ADAMTS6: variants seen among roughly 807,000 people sequenced by gnomAD.
ADAMTS6 encodes the protein ADAM metallopeptidase with thrombospondin type 1 motif 6, also known as A disintegrin and metalloproteinase with thrombospondin motifs 6.
ADAMTS6 carries 23 observed loss-of-function variants against 144.3 expected under a neutral mutation model. That is an observed-to-expected ratio of 0.16 (90% confidence interval 0.11 to 0.23). The LOEUF (loss-of-function observed/expected upper bound fraction) is 0.23, where lower values mean the gene tolerates loss of function less well. Ranked by LOEUF, ADAMTS6 falls within the 10% of genes least tolerant of loss-of-function variation. The pLI is 1.00. For missense variants in ADAMTS6, 999 were observed against 1,379.6 expected (o/e 0.72, Z 4.37); for synonymous variants, 444 against 457.5 (o/e 0.97, Z 0.38).
chr5:65,346,069 G>T (rs967885921), intron 7 of ADAMTS6, among the ~76,000 whole-genome samples: 3 of 151,790 alleles, frequency 2.0e-5, no homozygotes, highest in Non-Finnish European at 4.4e-5. Flanking sequence ...ATCTAAAAAA[G>T]AATTTATACC....
intron 7 of ADAMTS6, among the ~76,000 whole-genome samples, chr5:65,372,206 CA>C (rs1751014323): frequency 7.1e-6 from 1 of 140,368 alleles, no homozygotes; most frequent in Non-Finnish European, 1.5e-5. Context: ...AACTACCGAG[CA>C]AAATAACCAG....
intron 20 of ADAMTS6, among the ~76,000 whole-genome samples, chr5:65,203,053 A>G (rs1004358854): frequency 6.6e-6 from 1 of 152,110 alleles, no homozygotes; most frequent in East Asian, 1.9e-4. Context: ...CTACAGAGTA[A>G]GTCTAGAAAA....
chr5:65,428,390 A>T (rs1051017207), intron 7 of ADAMTS6, among the ~76,000 whole-genome samples: 7 of 152,188 alleles, frequency 4.6e-5, no homozygotes, highest in Non-Finnish European at 1.0e-4. Context: ...CCAACAAAAA[A>T]GGTTCACTAA....
intron 14 of ADAMTS6, among the ~76,000 whole-genome samples, chr5:65,255,413 C>A (rs772822161): frequency 9.9e-5 from 15 of 152,130 alleles, no homozygotes; most frequent in Non-Finnish European, 2.1e-4. Context: ...CCCTTCCACC[C>A]TTTCCCCCAA....
At chr5:65,287,355 G>A (rs193135148) in intron 11 of ADAMTS6, among the ~76,000 whole-genome samples, 141 of 152,210 alleles carry the variant, frequency 9.3e-4, no homozygotes, top group African/African-American at 3.3e-3. Context: ...CAAGTGTCTT[G>A]TAAAACAAAA....
rs1759257977 is a variant in ADAMTS6 at position 65,242,290 on chromosome 5, A to G, written c.1831-84T>C. On this transcript the variant is annotated intron_variant, in intron 14 of 24. Transcript: ENST00000381055. ...CAATGTCCCTAAAATGAACTCCATC[A>G]AATTAACTCACTACCTTATTCTGTG... The G allele has an allele frequency of 4.4e-6, 4 of 915,566 alleles. No homozygotes were observed. The South Asian group carries it at 5.6e-5, about 13-fold the overall frequency. 56.7% of individuals were successfully genotyped at this position (915,566 alleles called of 1,614,324 possible).
At position 65,473,826 on chromosome 5, in the gene ADAMTS6, C is replaced by T. The variant is rs926233958; in HGVS notation, c.-153G>A. The T allele has an allele frequency of 7.1e-6, 4 of 565,568 alleles. No homozygotes were observed. Among genetic ancestry groups the T allele is most frequent in the Non-Finnish European group, 9.6e-6 (3 of 313,002 alleles). 35.0% of individuals were successfully genotyped at this position (565,568 alleles called of 1,614,324 possible). ...CTGTTTAAGAGCCACTTTTATCCAACATCCTGCACTTTCTTCTATATCTGG... is the reference window on the plus strand; with the variant it reads ...CTGTTTAAGAGCCACTTTTATCCAATATCCTGCACTTTCTTCTATATCTGG... On this transcript the variant is annotated 5_prime_UTR_variant, in exon 2 of 25. It removes an upstream start codon present in the reference 5' UTR. Coordinates refer to ENST00000381055, the MANE Select transcript of ADAMTS6 (RefSeq NM_197941.4).
chr5:65,203,983 C>T (rs1367120328), intron 20 of ADAMTS6, among the ~76,000 whole-genome samples: 5 of 152,098 alleles, frequency 3.3e-5, no homozygotes, highest in Admixed American at 1.3e-4. Flanking sequence ...AAACCCTGCT[C>T]GTGTTAGGGA....
At chr5:65,199,914 AT>A (rs1755625847) in intron 20 of ADAMTS6, among the ~76,000 whole-genome samples, 1 of 152,150 alleles carries the variant, frequency 6.6e-6, no homozygotes, top group Non-Finnish European at 1.5e-5. Context: ...TTAGGTGTTC[AT>A]TTTAGCTTCA....
intron 7 of ADAMTS6, among the ~76,000 whole-genome samples, chr5:65,368,840 A>G (rs894245164): frequency 1.4e-4 from 21 of 152,092 alleles, no homozygotes; most frequent in African/African-American, 4.8e-4. Flanking sequence ...GTATTACTTG[A>G]GGTGAGGAAT....
intron 7 of ADAMTS6, among the ~76,000 whole-genome samples, chr5:65,403,238 CTT>C (rs1456000442): frequency 7.2e-5 from 11 of 152,082 alleles, no homozygotes; most frequent in African/African-American, 2.4e-5. Context: ...GATTTTCCCT[CTT>C]CTCTCTAATC....
intron 3 of ADAMTS6, among the ~76,000 whole-genome samples, chr5:65,470,199 C>T (rs1760327244): frequency 6.6e-6 from 1 of 152,134 alleles, no homozygotes; most frequent in African/African-American, 2.4e-5. Flanking sequence ...ACTGGGATTA[C>T]AGACATGAGC....
At chr5:65,241,946 A>C (rs1759226678) in intron 15 of ADAMTS6, among the ~76,000 whole-genome samples, 158 bp downstream of exon 15, 1 of 152,212 alleles carries the variant, frequency 6.6e-6, no homozygotes, top group African/African-American at 2.4e-5. Flanking sequence ...TAAACCATGA[A>C]GCCTTTATAG....
At chr5:65,210,798 C>A in intron 20 of ADAMTS6, 2 of 563,632 alleles carry the variant, frequency 3.5e-6, no homozygotes, top group African/African-American at 1.9e-5. Context: ...TCTCTCAACA[C>A]ATAAAGAACA....
At chr5:65,256,985 CTTTTTTTTT>C (rs545846781) in intron 14 of ADAMTS6, among the ~76,000 whole-genome samples, 3 of 88,672 alleles carry the variant, frequency 3.4e-5, no homozygotes, top group African/African-American at 5.7e-5. Flanking sequence ...CTCTCTCTCT[CTTTTTTTTT>C]TTTTTTTTTT....
At chr5:65,334,199 G>T in intron 7 of ADAMTS6, 114 bp from the exon 8 acceptor site, 2 of 1,180,668 alleles carry the variant, frequency 1.7e-6, no homozygotes, top group Non-Finnish European at 2.3e-6. Flanking sequence ...GCAATTATGA[G>T]CAATCAACTG....
chr5:65,220,251 CA>C (rs1757225100), intron 18 of ADAMTS6, among the ~76,000 whole-genome samples: 1 of 151,680 alleles, frequency 6.6e-6, no homozygotes, highest in Non-Finnish European at 1.5e-5. Flanking sequence ...TCATGAGTCA[CA>C]AGATAAATAA....
At chr5:65,154,600 GT>G (rs2111955713) in intron 24 of ADAMTS6, among the ~76,000 whole-genome samples, 1 of 152,316 alleles carries the variant, frequency 6.6e-6, no homozygotes, top group South Asian at 2.1e-4. Context: ...TCTTCTAGGA[GT>G]TGATTGTCCT....
intron 7 of ADAMTS6, among the ~76,000 whole-genome samples, chr5:65,343,817 A>G (rs1748075689): frequency 6.6e-6 from 1 of 151,980 alleles, no homozygotes; most frequent in South Asian, 2.1e-4. Context: ...GATTAACATC[A>G]TACCTAGAAT....
Sources: gnomAD v4.1 joint callset for allele counts (sites outside exome capture counted in the v4.1 genomes callset) on GRCh38, gnomAD v4.1.1 for gene constraint, MANE v1.5 for transcripts, NCBI Gene and HGNC (gene_info 2026-07-23, HGNC 2026-07-21) for gene names.